CALN1: variants seen among roughly 807,000 people sequenced by gnomAD.
The protein encoded by CALN1 is calcium-binding protein 8.
CALN1 carries 17 observed loss-of-function variants against 30.6 expected under a neutral mutation model. The observed-to-expected ratio is 0.56, with a 90% CI of 0.38 to 0.83. CALN1 has a LOEUF of 0.83. Among genes scored for constraint, CALN1 ranks in the 40% least tolerant of loss-of-function variants. The pLI is 0.00. For missense variants in CALN1, 291 were observed against 354.9 expected, an observed-to-expected ratio of 0.82 and a Z score of 1.45; for synonymous variants, 156 against 131.4, an observed-to-expected ratio of 1.19 and a Z score of -1.28.
the CALN1 span, among the ~76,000 whole-genome samples, chr7:72,481,354 G>T: frequency 6.6e-6 from 1 of 152,212 alleles, no homozygotes; most frequent in East Asian, 1.9e-4. Context: ...TTCCCAAAGG[G>T]CTGGGATTAT....
rs76774364 is a variant in CALN1 at position 72,314,077 on chromosome 7, A to G, written c.120-35267T>C. On this transcript the variant is annotated intron_variant, in intron 2 of 6. Transcript: ENST00000395275. ...TGCAGGCCAGCCTTGGCAGCAATGAATAAGAGGACACACCAGGCCCAGCAC... is the reference window on the plus strand; with the variant it reads ...TGCAGGCCAGCCTTGGCAGCAATGAGTAAGAGGACACACCAGGCCCAGCAC... 5.3e-5 allele frequency among the ~76,000 whole-genome samples: 8 copies of G among 152,268 alleles called. No homozygotes were observed. In the East Asian group the frequency reaches 1.4e-3, roughly 26 times the overall value.
In CALN1 at chr7:71,889,761, C is replaced by T. The variant is rs574954803; in HGVS notation, c.502-79269G>A. The stretch of plus-strand genomic sequence containing the variant: ...CCTGAGGTCAGGAGTTCAAGACCAG[C>T]CTGGCCAACATGGCGAAACCCTGTC... On this transcript the variant is annotated intron_variant, in intron 5 of 6. Transcript: ENST00000395275. 9.2e-5 allele frequency among the ~76,000 whole-genome samples: 14 copies of T among 152,286 alleles called. No individual in the cohort carries two copies. In the South Asian group the frequency reaches 1.7e-3, roughly 18 times the overall value.
chr7:72,384,743 C>A (rs1212029701), intron 2 of CALN1, among the ~76,000 whole-genome samples: 1 of 151,998 alleles, frequency 6.6e-6, no homozygotes, highest in African/African-American at 2.4e-5. Flanking sequence ...GTAGAGGTGA[C>A]CTTGTGTTTG....
intron 1 of CALN1, among the ~76,000 whole-genome samples, chr7:72,422,757 T>C (rs1451899120): frequency 6.6e-6 from 1 of 152,262 alleles, no homozygotes; most frequent in East Asian, 1.9e-4. Context: ...TCTTATCTTC[T>C]TGGCTTTATC....
intron 2 of CALN1, among the ~76,000 whole-genome samples, chr7:72,362,608 T>C (rs1803635460): frequency 6.6e-6 from 1 of 152,162 alleles, no homozygotes; most frequent in South Asian, 2.1e-4. Flanking sequence ...AGGCCTCTCA[T>C]CTCACACTCT....
chr7:72,233,138 G>A (rs1007739868), intron 3 of CALN1, among the ~76,000 whole-genome samples: 28 of 149,748 alleles, frequency 1.9e-4, no homozygotes, highest in African/African-American at 5.7e-4. Flanking sequence ...ACTGTTTTTC[G>A]TCACTATTTT....
chr7:72,139,179 T>G (rs925154647), intron 3 of CALN1, among the ~76,000 whole-genome samples: 1 of 152,232 alleles, frequency 6.6e-6, no homozygotes, highest in Non-Finnish European at 1.5e-5. Flanking sequence ...CCCATGGGCA[T>G]CCGGCAAGGT....
chr7:71,873,854 A>T (rs1170881258), intron 5 of CALN1, among the ~76,000 whole-genome samples: 1 of 152,282 alleles, frequency 6.6e-6, no homozygotes, highest in Non-Finnish European at 1.5e-5. Context: ...TAAACTTATA[A>T]CAACTATTCT....
intron 1 of CALN1, among the ~76,000 whole-genome samples, chr7:72,421,765 T>G (rs1358992743): frequency 6.6e-6 from 1 of 151,940 alleles, no homozygotes; most frequent in East Asian, 1.9e-4. Context: ...TTTTTTGTAA[T>G]TTTTAGTAGA....
intron 2 of CALN1, among the ~76,000 whole-genome samples, chr7:72,366,729 G>A (rs952049838): frequency 6.6e-6 from 1 of 151,820 alleles, no homozygotes; most frequent in Non-Finnish European, 1.5e-5. Flanking sequence ...ACTAAAGCAG[G>A]TTTCAAAATA....
intron 2 of CALN1, among the ~76,000 whole-genome samples, chr7:72,351,066 G>T (rs1158423617): frequency 6.6e-6 from 1 of 152,134 alleles, no homozygotes; most frequent in Admixed American, 6.5e-5. Context: ...ACTGGAACCC[G>T]GGAGGTGGAG....
In CALN1 at chr7:72,328,708, T is replaced by A. The variant is rs115387516; in HGVS notation, c.120-49898A>T. On this transcript the variant is annotated intron_variant, in intron 2 of 6. Coordinates refer to ENST00000395275, the MANE Select transcript of CALN1 (RefSeq NM_031468.4). ...TCATCGGTGTCTACATTTATTTACTTTTGTTGAGACAGAGTCTCGCTCTGT... is the reference window on the plus strand; with the variant it reads ...TCATCGGTGTCTACATTTATTTACTATTGTTGAGACAGAGTCTCGCTCTGT... 6.9e-3 allele frequency among the ~76,000 whole-genome samples: 1,046 copies of A among 152,306 alleles called. 14 individuals are homozygous for A. The highest frequency in any genetic ancestry group is 0.024 in the African/African-American group (1,003 of 41,572).
chr7:72,234,771 T>C (rs1351248317), intron 3 of CALN1, among the ~76,000 whole-genome samples: 1 of 152,112 alleles, frequency 6.6e-6, no homozygotes, highest in East Asian at 1.9e-4. Context: ...CTTATCTTCC[T>C]AACTTGTGGA....
chr7:71,876,601 T>C (rs964335829), intron 5 of CALN1, among the ~76,000 whole-genome samples: 1 of 152,226 alleles, frequency 6.6e-6, no homozygotes, highest in Non-Finnish European at 1.5e-5. Flanking sequence ...TTCTTTGTAA[T>C]ACATGATCTC....
chr7:71,825,589 G>A (rs979820389), intron 5 of CALN1, among the ~76,000 whole-genome samples: 15 of 152,108 alleles, frequency 9.9e-5, no homozygotes, highest in African/African-American at 2.4e-4. Context: ...ATTAAACAGC[G>A]GGACCGAAAT....
the CALN1 span, among the ~76,000 whole-genome samples, chr7:72,477,683 A>G: frequency 2.4e-4 from 36 of 152,184 alleles, no homozygotes; most frequent in Admixed American, 2.4e-3. Flanking sequence ...TGGCTTCCCA[A>G]AGTGCTAAGT....
chr7:72,045,483 A>G (rs1180028274), intron 4 of CALN1, among the ~76,000 whole-genome samples: 1 of 152,182 alleles, frequency 6.6e-6, no homozygotes, highest in Non-Finnish European at 1.5e-5. Context: ...AAGTAATGCA[A>G]TGAGTGAGAG....
chr7:72,151,870 C>T (rs917556428), intron 3 of CALN1, among the ~76,000 whole-genome samples: 5 of 151,580 alleles, frequency 3.3e-5, no homozygotes, highest in African/African-American at 1.2e-4. Context: ...TATCACCACA[C>T]CTGGCTATTT....
At chr7:71,815,446 T>A (rs1788203967) in intron 5 of CALN1, among the ~76,000 whole-genome samples, 1 of 152,152 alleles carries the variant, frequency 6.6e-6, no homozygotes. Context: ...TTCTTTCACA[T>A]AACATTTACA....
Sources: gnomAD v4.1 joint callset for allele counts (sites outside exome capture counted in the v4.1 genomes callset) on GRCh38, gnomAD v4.1.1 for gene constraint, MANE v1.5 for transcripts, NCBI Gene and HGNC (gene_info 2026-07-23, HGNC 2026-07-21) for gene names.